The following ARHGEF40 variants were observed in gnomAD, a reference collection of about 807,000 sequenced individuals.
ARHGEF40 encodes Rho guanine nucleotide exchange factor (GEF) 40.
In ARHGEF40, 98 loss-of-function variants were observed where a neutral mutation model predicts 165.9. The observed-to-expected ratio is 0.59, with a 90% confidence interval of 0.50 to 0.70. The LOEUF (loss-of-function observed/expected upper bound fraction) is 0.70, where lower values mean the gene tolerates loss of function less well. Ranked by LOEUF, ARHGEF40 falls within the 30% of genes least tolerant of loss-of-function variation. ARHGEF40 has a pLI of 0.00. For synonymous variants in ARHGEF40, 792 were observed against 814.3 expected (o/e 0.97, Z 0.47); for missense variants, 1,815 against 1,968.0 (o/e 0.92, Z 1.47).
At chr14:21,084,955 C>A (rs777138567) in intron 18 of ARHGEF40, 32 bp downstream of exon 18, 33 of 1,600,350 alleles carry the variant, frequency 2.1e-5, no homozygotes, top group Non-Finnish European at 2.7e-5. Flanking sequence ...GTGGAGGTGA[C>A]AGGAAGTCAT....
At chr14:21,069,428 A>T (rs2139182124), upstream of ARHGEF40, among the ~76,000 whole-genome samples, 1 of 152,302 alleles carries the variant, frequency 6.6e-6, no homozygotes, top group South Asian at 2.1e-4. Flanking sequence ...GAATCCTCGA[A>T]CTGGAGGCCT....
intron 17 of ARHGEF40, 149 bp from the exon 18 acceptor site, chr14:21,084,604 T>G (rs1888193645): frequency 3.7e-6 from 3 of 811,740 alleles, no homozygotes; most frequent in Non-Finnish European, 5.7e-6. Flanking sequence ...GACCAGTTGA[T>G]GGACCCTAGG....
At chr14:21,063,581 G>T in the ARHGEF40 span, among the ~76,000 whole-genome samples, 1 of 152,148 alleles carries the variant, frequency 6.6e-6, no homozygotes, top group Non-Finnish European at 1.5e-5. Context: ...TTTATCCGCT[G>T]CTTGGCAGTT....
chr14:21,068,210 A>G (rs1468496330), upstream of ARHGEF40, among the ~76,000 whole-genome samples: 10 of 68,696 alleles, frequency 1.5e-4, 3 homozygotes, highest in African/African-American at 3.6e-4. Context: ...CGTGTTAGCC[A>G]GGATGGTCTC....
At chr14:21,086,752 T>G (rs1888365725) in intron 19 of ARHGEF40, 1 of 458,678 alleles carries the variant, frequency 2.2e-6, no homozygotes, top group Non-Finnish European at 4.0e-6. Flanking sequence ...GCAGCTGGGA[T>G]GCCAAACAGC....
In ARHGEF40 at chr14:21,076,907, C is replaced by T; in HGVS notation, c.2034+17C>T. On this transcript the variant is annotated intron_variant, in intron 8 of 23. Coordinates refer to ENST00000298694, the MANE Select transcript of ARHGEF40 (RefSeq NM_018071.5). Reference sequence around the variant, plus strand: ...ATACACCAGGTAAGCTTCCCCTCTACCACCTAGCATGCTGGGAGCCAGGAA... The same window carrying T: ...ATACACCAGGTAAGCTTCCCCTCTATCACCTAGCATGCTGGGAGCCAGGAA... 6.3e-7 allele frequency: 1 copy of T among 1,593,352 alleles called. No homozygotes were observed. Among genetic ancestry groups the T allele is most frequent in the Non-Finnish European group, 8.6e-7 (1 of 1,162,642 alleles).
intron 11 of ARHGEF40, among the ~76,000 whole-genome samples, chr14:21,080,218 ACACACACAC>A (rs1887774429): frequency 7.4e-6 from 1 of 135,924 alleles, no homozygotes; most frequent in Non-Finnish European, 1.6e-5. Context: ...ACACACACAC[ACACACACAC>A]ACACACACAC....
rs541105912 is a variant in ARHGEF40, at chr14:21,072,353, A to G, written c.4-692A>G. Among the ~76,000 whole-genome samples the G allele has an allele frequency of 7.9e-5, 12 of 151,882 alleles. No homozygotes were observed. The highest frequency in any genetic ancestry group is 1.6e-4 in the Non-Finnish European group (11 of 67,960). ...CCTCTTGTGACTTTTTTCTCTTTCA[A>G]CTGCCCCCACCCGATTCTTTGTAAT... On this transcript the variant is annotated intron_variant, in intron 1 of 23. Coordinates refer to ENST00000298694, the MANE Select transcript of ARHGEF40 (RefSeq NM_018071.5). This position sits in a 1 kb window ranked among gnomAD's most constrained non-coding sequence, Gnocchi z 4.1.
rs80329519 is a variant in ARHGEF40 at position 21,086,129 on chromosome 14, G to A, written c.4138+263G>A. 1,147 of 395,626 alleles carry A rather than the reference G, an allele frequency of 2.9e-3. 13 individuals carry two copies. Among genetic ancestry groups the A allele is most frequent in the African/African-American group, 0.021 (1,019 of 49,278 alleles). The allele number at this position is 395,626 out of a possible 1,614,324, so 24.5% of individuals were successfully genotyped here. A position where few individuals can be genotyped will look rare whatever the true frequency, so the allele number is the denominator to read the frequency against. ...AGTGGCTCATGCCTGTAATCCCAGC[G>A]CATTTTGGGAGGCCAAAGTGGGAGG... On this transcript the variant is annotated intron_variant, in intron 19 of 23. Transcript: ENST00000298694.
In ARHGEF40 at chr14:21,090,029, G is replaced by GGACCCAAA. The variant is rs1888691701; in HGVS notation, c.*1024_*1031dup. 1 of 249,276 alleles carries GGACCCAAA rather than the reference G, an allele frequency of 4.0e-6. No individual in the cohort carries two copies. The highest frequency in any genetic ancestry group is 8.3e-6 in the Non-Finnish European group (1 of 120,074). The allele number at this position is 249,276 out of a possible 1,614,324, so 15.4% of individuals were successfully genotyped here. On this transcript the variant is annotated 3_prime_UTR_variant, in exon 24 of 24. Coordinates refer to ENST00000298694, the MANE Select transcript of ARHGEF40 (RefSeq NM_018071.5). The surrounding 1 kb of genome is among the most constrained non-coding windows in gnomAD (Gnocchi z 4.4). ...AAGAGGTGACTATTTCCTGACAGAA[G>GGACCCAAA]GACCCAAAGAGGGAAGCAGGACATA...
upstream of ARHGEF40, among the ~76,000 whole-genome samples, chr14:21,067,980 C>CTTTTTTTTTTT (rs1171332473): frequency 1.3e-4 from 3 of 22,284 alleles, 1 homozygote; most frequent in African/African-American, 2.1e-4. Flanking sequence ...AGTGGCTCCC[C>CTTTTTTTTTTT]TTTTTTTTTT....
rs371182651 is a variant in ARHGEF40, at chr14:21,075,676, G to T, written c.1650G>T (p.Leu550=). The T allele has an allele frequency of 2.5e-6, 4 of 1,613,930 alleles. No homozygotes were observed. In the Admixed American group the frequency reaches 6.7e-5, roughly 27 times the overall value. ...TGGACCAGAGTGGGCGAGCTCTGCT[G>T]ACCATTACCCCACCGTGCCCTCCTG... ...GGVDQSGRAL[L]TITPPCPPEE... Residue 550 remains leucine, a synonymous_variant, in exon 5 of 24, where the codon CTG becomes CTT. Transcript: ENST00000298694. This position sits in a 1 kb window ranked among gnomAD's most constrained non-coding sequence, Gnocchi z 4.5.
intron 1 of ARHGEF40, among the ~76,000 whole-genome samples, chr14:21,071,497 A>G (rs1053900272): frequency 2.0e-5 from 3 of 152,124 alleles, no homozygotes; most frequent in Admixed American, 6.5e-5. Flanking sequence ...GGAAAAAGAA[A>G]GAGGAACTGG....
chr14:21,075,105 T>C lies in ARHGEF40; in HGVS notation c.1375T>C (p.Ser459Pro). The C allele has an allele frequency of 6.2e-7, 1 of 1,613,926 alleles. No homozygotes were observed. Among genetic ancestry groups the C allele is most frequent in the Non-Finnish European group, 8.5e-7 (1 of 1,180,004 alleles). ...KTAGEKEPQLSEACGPTEEGA... is the reference protein window; with the variant it reads ...KTAGEKEPQLPEACGPTEEGA... ...AGCAGGCGAGAAAGAGCCTCAGCTCTCTGAAGCCTGTGGGCCTACAGAAGA... is the reference window on the plus strand; with the variant it reads ...AGCAGGCGAGAAAGAGCCTCAGCTCCCTGAAGCCTGTGGGCCTACAGAAGA... The change falls in exon 3 of 24, where the codon TCT becomes CCT. Residue 459 changes from serine to proline, a missense_variant. Transcript: ENST00000298694. This position sits in a 1 kb window ranked among gnomAD's most constrained non-coding sequence, Gnocchi z 4.5.
At chr14:21,076,683 T>C in intron 7 of ARHGEF40, 40 bp downstream of exon 7, 1 of 1,606,802 alleles carries the variant, frequency 6.2e-7, no homozygotes, top group Non-Finnish European at 8.5e-7. Flanking sequence ...CCATCAGTAG[T>C]GGGGAGAGGA....
chr14:21,071,904 C>G (rs1182130548), intron 1 of ARHGEF40, among the ~76,000 whole-genome samples: 2 of 152,204 alleles, frequency 1.3e-5, no homozygotes, highest in African/African-American at 4.8e-5. Context: ...AGTGGTTGCC[C>G]TAACTTCCCA....
At chr14:21,063,315 G>T in the ARHGEF40 span, among the ~76,000 whole-genome samples, 3 of 152,090 alleles carry the variant, frequency 2.0e-5, no homozygotes, top group African/African-American at 7.2e-5. Flanking sequence ...GCTATATTCC[G>T]CCAATTACAG....
Position 21,078,451 on chromosome 14 carries a change from G to C in ARHGEF40, c.2209G>C (p.Ala737Pro). ...GACGGCACTGCAGAGGGATGGGGGG[G>C]CCATCCTGATGAGGCTGCGCTCCAC... Reference protein sequence around the residue: ...RLTALQRDGGAILMRLRSTPS... With the variant: ...RLTALQRDGGPILMRLRSTPS... Residue 737 changes from alanine to proline, a missense_variant, in exon 10 of 24, where the codon GCC becomes CCC. By Grantham distance (27) the Ala-to-Pro change is conservative. Coordinates refer to ENST00000298694, the MANE Select transcript of ARHGEF40 (RefSeq NM_018071.5). 2 of 1,609,494 alleles carry C rather than the reference G, an allele frequency of 1.2e-6. No homozygotes were observed. The highest frequency in any genetic ancestry group is 1.7e-6 in the Non-Finnish European group (2 of 1,177,176).
At position 21,089,197 on chromosome 14, in the gene ARHGEF40, C is replaced by T. The variant is rs557841592; in HGVS notation, c.*189C>T. The T allele has an allele frequency of 2.7e-5, 8 of 300,506 alleles. No individual in the cohort carries two copies. In the South Asian group the frequency reaches 7.1e-4, roughly 27 times the overall value. The allele number at this position is 300,506 out of a possible 1,614,324, so 18.6% of individuals were successfully genotyped here. A position where few individuals can be genotyped will look rare whatever the true frequency, so the allele number is the denominator to read the frequency against. On this transcript the variant is annotated 3_prime_UTR_variant, in exon 24 of 24. Coordinates refer to ENST00000298694, the MANE Select transcript of ARHGEF40 (RefSeq NM_018071.5). ...ATCTCTAGTCTCCCTAGCTTGGTGC[C>T]TTCTCCTGCAGGAGTCAGAGCAGCC...
Sources: allele counts gnomAD v4.1 joint callset (sites outside exome capture counted in the v4.1 genomes callset), GRCh38; gene constraint gnomAD v4.1.1; non-coding constraint Gnocchi (gnomAD v3.1); transcripts MANE v1.5; gene names NCBI Gene and HGNC (gene_info 2026-07-23, HGNC 2026-07-21).